SLC4A2: variants seen among roughly 807,000 people sequenced by gnomAD.
SLC4A2 encodes anion exchange protein 2.
SLC4A2 carries 36 observed loss-of-function variants against 115.0 expected under a neutral mutation model. The observed-to-expected ratio is 0.31, with a 90% CI of 0.24 to 0.41. SLC4A2 has a LOEUF of 0.41. Among genes scored for constraint, SLC4A2 ranks in the 10% least tolerant of loss-of-function variants. The pLI, the probability that SLC4A2 is intolerant of heterozygous loss-of-function variation, is 1.00. For missense variants in SLC4A2, 1,252 were observed against 1,705.6 expected (o/e 0.73, Z 4.68); for synonymous variants, 708 against 708.3 (o/e 1.00, Z 0.01).
At chr7:151,062,662 A>T in intron 2 of SLC4A2, 5 of 1,521,622 alleles carry the variant, frequency 3.3e-6, no homozygotes, top group Non-Finnish European at 4.4e-6. Context: ...CTGCGGCCTC[A>T]GGTGCGAGGG....
chr7:151,065,892 G>C (rs1797212471), intron 5 of SLC4A2, among the ~76,000 whole-genome samples: 1 of 152,102 alleles, frequency 6.6e-6, no homozygotes. Context: ...GAGAGAGAGG[G>C]GTAGGACCAC....
In SLC4A2 at chr7:151,068,063, G is replaced by T; in HGVS notation, c.1147+9G>T. 6 of 1,462,920 alleles carry T rather than the reference G, an allele frequency of 4.1e-6. No homozygotes were observed. The highest frequency in any genetic ancestry group is 2.7e-5 in the East Asian group (1 of 37,636). 90.6% of individuals were successfully genotyped at this position (1,462,920 alleles called of 1,614,324 possible). A position where few individuals can be genotyped will look rare whatever the true frequency, so the allele number is the denominator to read the frequency against. On this transcript the variant is annotated intron_variant, in intron 8 of 22. Transcript: ENST00000413384. ...CAGGACCCTGGCCCATGGTAACCCC[G>T]CTCCCCTCCACCTCCCGCCTGGCCA...
Position 151,076,158 on chromosome 7 carries a change from G to T in SLC4A2, c.3617G>T (p.Arg1206Leu), listed in dbSNP as rs761050453. The change falls in exon 22 of 23, where the codon CGT becomes CTT. Residue 1206 changes from arginine to leucine, a missense_variant. Transcript: ENST00000413384. ...CCGCTCCGCATGGTGGTGCTCACCCGTATCTTCACCGACCGAGAGATGAAA... is the reference window on the plus strand; with the variant it reads ...CCGCTCCGCATGGTGGTGCTCACCCTTATCTTCACCGACCGAGAGATGAAA... Reference protein sequence around the residue: ...TVPLRMVVLTRIFTDREMKCL... With the variant: ...TVPLRMVVLTLIFTDREMKCL... 6.2e-7 allele frequency: 1 copy of T among 1,610,596 alleles called. No individual in the cohort carries two copies. Among genetic ancestry groups the T allele is most frequent in the South Asian group, 1.1e-5 (1 of 91,066 alleles).
intron 7 of SLC4A2, 33 bp from the exon 8 acceptor site, chr7:151,067,839 CTG>C: frequency 1.2e-6 from 2 of 1,604,300 alleles, no homozygotes; most frequent in Non-Finnish European, 1.7e-6. Context: ...GCCTCCGGCT[CTG>C]TACCCTGAAA....
chr7:151,073,588 A>C (rs1797514768), intron 16 of SLC4A2, among the ~76,000 whole-genome samples: 2 of 152,288 alleles, frequency 1.3e-5, no homozygotes, highest in South Asian at 4.1e-4. Flanking sequence ...ATTTTTAAAA[A>C]ATACATTATT....
In SLC4A2 at chr7:151,071,492, A is replaced by C; in HGVS notation, c.2078A>C (p.Tyr693Ser). Residue 693 changes from tyrosine (Y) to serine (S), a missense_variant, in exon 14 of 23, where the codon TAT becomes TCT. Physicochemically the swap from Tyr to Ser is moderately radical, Grantham distance 144. Coordinates refer to ENST00000413384, the MANE Select transcript of SLC4A2 (RefSeq NM_003040.4). The surrounding 1 kb of genome is among the most constrained non-coding windows in gnomAD (Gnocchi z 5.5). ...GGLIRDVRRR[Y>S]PHYLSDFRDA... ...CTGATCCGAGATGTGCGGCGCCGCT[A>C]TCCCCACTACCTGAGTGACTTCCGA... 1 of 1,613,400 alleles carries C rather than the reference A, an allele frequency of 6.2e-7. No homozygotes were observed. Among genetic ancestry groups the C allele is most frequent in the Non-Finnish European group, 8.5e-7 (1 of 1,179,976 alleles).
chr7:151,058,201 T>G, upstream of SLC4A2: 1 of 447,692 alleles, frequency 2.2e-6, no homozygotes, highest in South Asian at 2.9e-5. Flanking sequence ...TTGTTATTCC[T>G]TTTATGTGCT....
At chr7:151,074,615 C>T (rs1240739933) in intron 18 of SLC4A2, 60 bp from the exon 19 acceptor site, 3 of 1,567,970 alleles carry the variant, frequency 1.9e-6, no homozygotes, top group Admixed American at 3.5e-5. Flanking sequence ...CATCCCCTTT[C>T]CATGGCATGC....
rs753327629 is a variant in SLC4A2 at position 151,066,928 on chromosome 7, C to T, written c.901C>T (p.Arg301Ter). 1 of 1,613,412 alleles carries T rather than the reference C, an allele frequency of 6.2e-7. No homozygotes were observed. Among genetic ancestry groups the T allele is most frequent in the Non-Finnish European group, 8.5e-7 (1 of 1,179,812 alleles). ...KNAKGSTQSG[R>*]EGREPGPTPR... is the part of the protein sequence containing the mutation. ...TGCCAAAGGTTCCACACAGAGTGGC[C>T]GAGAAGGGCGGGAGCCTGGCCCCAC... Residue 301 changes from arginine to a stop codon, truncating the protein, a stop_gained, in exon 7 of 23, where the codon CGA becomes TGA. Transcript: ENST00000413384. LOFTEE classifies it high-confidence loss of function.
In SLC4A2 at chr7:151,074,143, G is replaced by C; in HGVS notation, c.2640G>C (p.Pro880=). ...CCGGGGCAAGACCCACGCTGGGGCC[G>C]GGCAACAGGAGCTTGGCTGGGCAGT... The part of the protein sequence containing the change: ...TWAGARPTLG[P]GNRSLAGQSG... The change falls in exon 17 of 23, where the codon CCG becomes CCC. Residue 880 remains proline, a synonymous_variant. Transcript: ENST00000413384. 1 of 1,612,660 alleles carries C rather than the reference G, an allele frequency of 6.2e-7. No homozygotes were observed. Among genetic ancestry groups the C allele is most frequent in the Non-Finnish European group, 8.5e-7 (1 of 1,179,912 alleles).
At chr7:151,074,991 C>G in intron 19 of SLC4A2, 150 bp downstream of exon 19, 1 of 911,652 alleles carries the variant, frequency 1.1e-6, no homozygotes, top group Admixed American at 2.4e-5. Flanking sequence ...CTGTAGACAG[C>G]AGAAAAACCC....
intron 2 of SLC4A2, chr7:151,062,656 G>A (rs982623351): frequency 4.6e-6 from 7 of 1,522,348 alleles, no homozygotes; most frequent in East Asian, 5.1e-5. Flanking sequence ...TTCCTCCTGC[G>A]GCCTCAGGTG....
rs547273199 is a variant in SLC4A2, at chr7:151,076,039, C to T, written c.3498C>T (p.Phe1166=). 11 of 1,610,544 alleles carry T rather than the reference C, an allele frequency of 6.8e-6. No homozygotes were observed. Among genetic ancestry groups the T allele is most frequent in the East Asian group, 2.2e-5 (1 of 44,882 alleles). ...KKVRTLRMHL[F]TALQLLCLAL... ...TCCGGACCCTCCGTATGCACCTGTT[C>T]ACGGCCCTGCAGCTGCTCTGCCTGG... The change falls in exon 22 of 23, where the codon TTC becomes TTT. Residue 1166 remains phenylalanine, a synonymous_variant. Transcript: ENST00000413384.
At chr7:151,059,062 C>T (rs1050658776), upstream of SLC4A2, 4 of 152,234 alleles carry the variant, frequency 2.6e-5, no homozygotes, top group Admixed American at 6.5e-5. This position sits in a 1 kb window ranked among gnomAD's most constrained non-coding sequence, Gnocchi z 5.8. Context: ...TAAGTGATGG[C>T]TCTGCCTAGG....
Position 151,076,001 on chromosome 7 carries a change from T to TCCGC in SLC4A2, c.3472-9_3472-6dup. ...AGGGAGGAAGCTGGGCTCACCTGTC[T>TCCGC]CCGCCCCCCAGGTCCGGACCCTCCG... is the stretch of plus-strand genomic sequence containing the variant. On this transcript the variant is annotated splice_polypyrimidine_tract_variant and intron_variant, in intron 21 of 22. Transcript: ENST00000413384. 1 of 1,572,644 alleles carries TCCGC rather than the reference T, an allele frequency of 6.4e-7. No homozygotes were observed. The highest frequency in any genetic ancestry group is 8.6e-7 in the Non-Finnish European group (1 of 1,158,496).
At position 151,060,283 on chromosome 7, in the gene SLC4A2, C is replaced by T. The variant is rs1473679816; in HGVS notation, c.-64+521C>T. The T allele has an allele frequency of 1.3e-5, 2 of 152,400 alleles. No individual in the cohort carries two copies. Among genetic ancestry groups the T allele is most frequent in the Non-Finnish European group, 2.9e-5 (2 of 68,178 alleles). 9.4% of individuals were successfully genotyped at this position (152,400 alleles called of 1,614,324 possible). ...GATGAGCCCGGAGAGTTGGACCTGA[C>T]TCCCGGGGTCGGTTTGTCCAGGCGG... On this transcript the variant is annotated intron_variant, in intron 1 of 22. Coordinates refer to ENST00000413384, the MANE Select transcript of SLC4A2 (RefSeq NM_003040.4). This position sits in a 1 kb window ranked among gnomAD's most constrained non-coding sequence, Gnocchi z 5.9.
In SLC4A2 at chr7:151,074,130, C is replaced by G; in HGVS notation, c.2627C>G (p.Pro876Arg). The stretch of plus-strand genomic sequence containing the variant: ...AACATGACATGGGCCGGGGCAAGAC[C>G]CACGCTGGGGCCGGGCAACAGGAGC... The part of the protein sequence containing the change: ...GENMTWAGAR[P>R]TLGPGNRSLA... The change falls in exon 17 of 23, where the codon CCC (proline) becomes CGC (arginine). Residue 876 changes from proline (P) to arginine (R), a missense_variant. Around this residue, in one of 14 missense-constraint regions of SLC4A2, gnomAD observed 55 missense variants for 48.6 expected, o/e 1.13. Transcript: ENST00000413384. 6.2e-7 allele frequency: 1 copy of G among 1,612,480 alleles called. No individual in the cohort carries two copies. Among genetic ancestry groups the G allele is most frequent in the South Asian group, 1.1e-5 (1 of 91,002 alleles).
chr7:151,066,033 G>A (rs1249632224), intron 5 of SLC4A2, among the ~76,000 whole-genome samples: 2 of 152,168 alleles, frequency 1.3e-5, no homozygotes, highest in Non-Finnish European at 2.9e-5. Context: ...CCGGTGCCAC[G>A]GACTTTATTC....
chr7:151,066,498 G>A lies in SLC4A2; in HGVS notation c.579-19G>A, dbSNP rs770274600. 91 of 1,484,506 alleles carry A rather than the reference G, an allele frequency of 6.1e-5. No individual in the cohort carries two copies. The highest frequency in any genetic ancestry group is 5.6e-5 in the Non-Finnish European group (63 of 1,118,140). The allele number at this position is 1,484,506 out of a possible 1,614,324, so 92.0% of individuals were successfully genotyped here. ...AGGAGGCCAGGTTTCTCGGGCTCAC[G>A]GCCATTCTGTCTGCCTAGAACCCAG... On this transcript the variant is annotated intron_variant, in intron 5 of 22. Coordinates refer to ENST00000413384, the MANE Select transcript of SLC4A2 (RefSeq NM_003040.4).
Sources: gnomAD v4.1 joint callset for allele counts (sites outside exome capture counted in the v4.1 genomes callset) on GRCh38, gnomAD v4.1.1 for gene constraint, gnomAD v4.1.1 regional missense constraint, Gnocchi (gnomAD v3.1) non-coding constraint, MANE v1.5 for transcripts, NCBI Gene and HGNC (gene_info 2026-07-23, HGNC 2026-07-21) for gene names.